The following CHST12 variants were observed in gnomAD, a reference collection of about 807,000 sequenced individuals.
The protein encoded by CHST12 is carbohydrate sulfotransferase 12.
Under a neutral mutation model 27.9 loss-of-function variants are expected in CHST12, and 23 were observed. That is an observed-to-expected ratio of 0.82 (90% CI 0.59 to 1.17). The LOEUF (loss-of-function observed/expected upper bound fraction) is 1.17. Ranked by LOEUF, CHST12 falls within the 50% of genes most tolerant of loss-of-function variation. The pLI is 0.00. For missense variants in CHST12, 682 were observed against 603.0 expected, an observed-to-expected ratio of 1.13 and a Z score of -1.37; for synonymous variants, 322 against 273.0, an observed-to-expected ratio of 1.18 and a Z score of -1.77.
Position 2,442,898 on chromosome 7 carries a change from G to C in CHST12, c.*9014G>C, listed in dbSNP as rs1164289680. 1 of 152,188 alleles carries C rather than the reference G, an allele frequency of 6.6e-6. No homozygotes were observed. Among genetic ancestry groups the C allele is most frequent in the Non-Finnish European group, 1.5e-5 (1 of 68,038 alleles). The allele number at this position is 152,188 out of a possible 1,614,324, so 9.4% of individuals were successfully genotyped here. On this transcript the variant is annotated 3_prime_UTR_variant, in exon 2 of 2. Transcript: ENST00000618655. ...AGGGTTCTCCATGCAACAATCTAATGCCTGATGATCTGAAGTGGAACAGGT... is the reference window on the plus strand; with the variant it reads ...AGGGTTCTCCATGCAACAATCTAATCCCTGATGATCTGAAGTGGAACAGGT...
At chr7:2,432,445 G>C (rs1782296912) in intron 1 of CHST12, 118 bp from the exon 2 acceptor site, 7 of 632,986 alleles carry the variant, frequency 1.1e-5, no homozygotes, top group Middle Eastern at 4.2e-4. Context: ...AGGGCGAGCT[G>C]ATATCACGTG....
chr7:2,405,192 C>A (rs904735928), intron 1 of CHST12, among the ~76,000 whole-genome samples: 3 of 152,132 alleles, frequency 2.0e-5, no homozygotes, highest in Non-Finnish European at 4.4e-5. Flanking sequence ...TGACTGTAAT[C>A]CCAGCACTTT....
chr7:2,413,515 G>A (rs1027869267), intron 1 of CHST12, among the ~76,000 whole-genome samples: 3 of 152,032 alleles, frequency 2.0e-5, no homozygotes, highest in Non-Finnish European at 4.4e-5. Context: ...CCATCGCCCC[G>A]AGTTTCTGCG....
intron 1 of CHST12, among the ~76,000 whole-genome samples, chr7:2,425,201 C>T (rs1243527453): frequency 9.4e-6 from 1 of 106,490 alleles, no homozygotes; most frequent in Non-Finnish European, 1.7e-5. Flanking sequence ...AAGACTCCGT[C>T]TCAAAAAAAA....
chr7:2,414,065 AATG>A (rs906545665), intron 1 of CHST12, among the ~76,000 whole-genome samples: 25 of 152,012 alleles, frequency 1.6e-4, no homozygotes, highest in African/African-American at 5.8e-4. Context: ...TTTGATGACT[AATG>A]ATGATGAGCA....
chr7:2,426,896 C>T (rs1281317664), intron 1 of CHST12, among the ~76,000 whole-genome samples: 1 of 152,072 alleles, frequency 6.6e-6, no homozygotes, highest in Non-Finnish European at 1.5e-5. Flanking sequence ...GAGGCTGAGG[C>T]ATGAGAATCA....
At chr7:2,417,969 A>G (rs957853992) in intron 1 of CHST12, among the ~76,000 whole-genome samples, 6 of 152,230 alleles carry the variant, frequency 3.9e-5, no homozygotes, top group African/African-American at 1.4e-4. Flanking sequence ...GGGGCTTAAT[A>G]TAGATCTGGC....
In CHST12 at chr7:2,445,242, G is replaced by C. The variant is rs1456674372; in HGVS notation, c.*11358G>C. On this transcript the variant is annotated 3_prime_UTR_variant, in exon 2 of 2. Transcript: ENST00000618655. The stretch of plus-strand genomic sequence containing the variant: ...CTGGTGAGTGGACGTAGGGTGGGCA[G>C]GGCCACCCTTGTCCTGGGATGTTGT... 6.6e-6 allele frequency: 1 copy of C among 152,286 alleles called. No homozygotes were observed. Among genetic ancestry groups the C allele is most frequent in the Non-Finnish European group, 1.5e-5 (1 of 68,086 alleles). 9.4% of individuals were successfully genotyped at this position (152,286 alleles called of 1,614,324 possible).
intron 1 of CHST12, among the ~76,000 whole-genome samples, chr7:2,418,052 C>T (rs1223106983): frequency 6.6e-6 from 1 of 152,252 alleles, no homozygotes; most frequent in Non-Finnish European, 1.5e-5. Flanking sequence ...CACGAGTGAG[C>T]TAAGGCCATA....
chr7:2,429,915 T>C (rs1782230702), intron 1 of CHST12, among the ~76,000 whole-genome samples: 1 of 152,108 alleles, frequency 6.6e-6, no homozygotes, highest in African/African-American at 2.4e-5. Context: ...CCAGAGTAGC[T>C]AGGACTACAG....
chr7:2,413,171 C>A (rs1562510246), intron 1 of CHST12, among the ~76,000 whole-genome samples: 1 of 152,206 alleles, frequency 6.6e-6, no homozygotes, highest in Admixed American at 6.6e-5. Context: ...TGACTTGGCC[C>A]AGGCCACTCA....
intron 1 of CHST12, among the ~76,000 whole-genome samples, chr7:2,415,226 TGTG>T (rs1375373651): frequency 1.3e-5 from 2 of 151,868 alleles, no homozygotes; most frequent in Non-Finnish European, 2.9e-5. Flanking sequence ...ATTAGCCAGA[TGTG>T]GTGGTGGGCG....
At chr7:2,428,950 T>C (rs2115433022) in intron 1 of CHST12, among the ~76,000 whole-genome samples, 1 of 152,312 alleles carries the variant, frequency 6.6e-6, no homozygotes, top group African/African-American at 2.4e-5. Flanking sequence ...TTTATAGCAC[T>C]ATCTTATCCA....
intron 1 of CHST12, among the ~76,000 whole-genome samples, chr7:2,405,838 A>G (rs1479397595): frequency 6.6e-6 from 1 of 152,140 alleles, no homozygotes; most frequent in African/African-American, 2.4e-5. Flanking sequence ...AGTTGGCGGT[A>G]TTGGTGGCCA....
Position 2,433,657 on chromosome 7 carries a change from GGGAA to G in CHST12, c.1020_1023del (p.Lys341TrpfsTer87). 1.2e-6 allele frequency: 2 copies of G among 1,613,694 alleles called. No homozygotes were observed. Among genetic ancestry groups the G allele is most frequent in the Non-Finnish European group, 1.7e-6 (2 of 1,179,876 alleles). ...GTGCCAGATCGACTACGACTTCGTGGGGAAGCTGGAGACTCTGGACGAGGACGCC... is the reference window on the plus strand; with the variant it reads ...GTGCCAGATCGACTACGACTTCGTGGGCTGGAGACTCTGGACGAGGACGCC... On this transcript the variant is annotated frameshift_variant, in exon 2 of 2. Coordinates refer to ENST00000618655, the MANE Select transcript of CHST12 (RefSeq NM_018641.5). LOFTEE classifies it high-confidence loss of function. This position sits in a 1 kb window ranked among gnomAD's most constrained non-coding sequence, Gnocchi z 6.1.
intron 1 of CHST12, among the ~76,000 whole-genome samples, chr7:2,404,733 G>A (rs968829478): frequency 6.6e-6 from 1 of 152,282 alleles, no homozygotes; most frequent in African/African-American, 2.4e-5. Flanking sequence ...ATCTGAAAGA[G>A]CACCTGCCTG....
chr7:2,422,106 G>A (rs1462531470), intron 1 of CHST12, among the ~76,000 whole-genome samples: 1 of 152,132 alleles, frequency 6.6e-6, no homozygotes, highest in Non-Finnish European at 1.5e-5. Context: ...AGCATCCCTG[G>A]CCTCTGGCGT....
chr7:2,432,141 CAAAAAAAAAAAAAAAAAAA>C (rs34061454), intron 1 of CHST12, among the ~76,000 whole-genome samples: 62 of 17,114 alleles, frequency 3.6e-3, no homozygotes, highest in African/African-American at 0.011. Context: ...GACTCCATAT[CAAAAAAAAAAAAAAAAAAA>C]AAAAAAAAAA....
In CHST12 at chr7:2,436,298, G is replaced by A. The variant is rs1269407910; in HGVS notation, c.*2414G>A. The A allele has an allele frequency of 6.6e-6, 1 of 152,124 alleles. No individual in the cohort carries two copies. Among genetic ancestry groups the A allele is most frequent in the Non-Finnish European group, 1.5e-5 (1 of 68,026 alleles). The allele number at this position is 152,124 out of a possible 1,614,324, so 9.4% of individuals were successfully genotyped here. ...CCCCATTCAGCACTCGCTCCCCATT[G>A]GTAGAAGGCAGCAGCTTCCACTCTC... is the stretch of plus-strand genomic sequence containing the variant. On this transcript the variant is annotated 3_prime_UTR_variant, in exon 2 of 2. Transcript: ENST00000618655.
Sources: gnomAD v4.1 joint callset for allele counts (sites outside exome capture counted in the v4.1 genomes callset) on GRCh38, gnomAD v4.1.1 for gene constraint, Gnocchi (gnomAD v3.1) non-coding constraint, MANE v1.5 for transcripts, NCBI Gene and HGNC (gene_info 2026-07-23, HGNC 2026-07-21) for gene names.